SEM1: variants seen among roughly 807,000 people sequenced by gnomAD.
SEM1 encodes the protein 26S proteasome complex subunit SEM1.
Under a neutral mutation model 12.7 loss-of-function variants are expected in SEM1, and 3 were observed. The observed-to-expected ratio is 0.24, with a 90% CI of 0.11 to 0.61. The LOEUF (loss-of-function observed/expected upper bound fraction) is 0.61. Ranked by LOEUF, SEM1 falls within the 20% of genes least tolerant of loss-of-function variation. The pLI, the probability that SEM1 is intolerant of heterozygous loss-of-function variation, is 0.88. For missense variants in SEM1, 59 were observed against 81.3 expected, an observed-to-expected ratio of 0.73 and a Z score of 1.06; for synonymous variants, 30 against 27.8, an observed-to-expected ratio of 1.08 and a Z score of -0.25.
rs184358961 is a variant in SEM1, at chr7:96,482,655, A to C, written c.*1204T>G. ...AAGCCTTACAGAACTAAATTCTTTA[A>C]ACTTGGGGGCAAATGTTTCCCGGTC... On this transcript the variant is annotated 3_prime_UTR_variant, in exon 4 of 4. Transcript: ENST00000356686. 16 of 152,272 alleles carry C rather than the reference A, an allele frequency of 1.1e-4. No homozygotes were observed. The East Asian group carries it at 2.7e-3, about 26-fold the overall frequency. The allele number at this position is 152,272 out of a possible 1,614,324, so 9.4% of individuals were successfully genotyped here.
intron 2 of SEM1, among the ~76,000 whole-genome samples, chr7:96,648,011 G>C (rs1413171086): frequency 1.3e-5 from 2 of 152,142 alleles, no homozygotes; most frequent in African/African-American, 4.8e-5. Context: ...TTAGCAAATG[G>C]TGCTGAAAGG....
In SEM1 at chr7:96,483,824, A is replaced by G. The variant is rs1200025013; in HGVS notation, c.*35T>C. On this transcript the variant is annotated 3_prime_UTR_variant, in exon 4 of 4. Coordinates refer to the SEM1 transcript ENST00000356686. ...TTACTTCAATAGATGTGGGCACCATATGACCAGACTTCCATCTCTGCTATT... is the reference window on the plus strand; with the variant it reads ...TTACTTCAATAGATGTGGGCACCATGTGACCAGACTTCCATCTCTGCTATT... The G allele has an allele frequency of 2.6e-6, 4 of 1,536,108 alleles. No individual in the cohort carries two copies. In the African/African-American group the frequency reaches 5.5e-5, roughly 21 times the overall value.
chr7:96,526,332 A>G (rs1804463571), intron 2 of SEM1, among the ~76,000 whole-genome samples: 1 of 151,888 alleles, frequency 6.6e-6, no homozygotes, highest in African/African-American at 2.4e-5. Flanking sequence ...TTCTGCAAAC[A>G]ATAGACAAAG....
intron 2 of SEM1, among the ~76,000 whole-genome samples, chr7:96,544,843 C>T (rs74760123): frequency 0.043 from 6,475 of 151,882 alleles, 194 homozygotes; most frequent in Non-Finnish European, 0.066. Context: ...TGAATCATCA[C>T]AGAGGTCTTC....
chr7:96,645,620 A>C, intron 2 of SEM1: 1 of 396,250 alleles, frequency 2.5e-6, no homozygotes, highest in Non-Finnish European at 4.4e-6. Context: ...GAGCACAGGG[A>C]GTGGGCACAC....
chr7:96,518,537 T>A (rs1329638449), intron 2 of SEM1, among the ~76,000 whole-genome samples: 1 of 152,134 alleles, frequency 6.6e-6, no homozygotes, highest in African/African-American at 2.4e-5. Context: ...ACTGTCCATA[T>A]CTCTAATTAC....
intron 2 of SEM1, among the ~76,000 whole-genome samples, chr7:96,560,402 C>CT (rs1206397439): frequency 1.3e-5 from 2 of 151,958 alleles, no homozygotes; most frequent in African/African-American, 2.4e-5. Flanking sequence ...ATGAGTTTTG[C>CT]TTTTTTCATA....
intron 2 of SEM1, among the ~76,000 whole-genome samples, chr7:96,595,468 C>G (rs940138047): frequency 6.6e-6 from 1 of 152,212 alleles, no homozygotes; most frequent in Non-Finnish European, 1.5e-5. Context: ...GCCATGACTG[C>G]GTCACTGCAC....
At chr7:96,539,423 G>A (rs1050629917) in intron 2 of SEM1, among the ~76,000 whole-genome samples, 2 of 151,652 alleles carry the variant, frequency 1.3e-5, no homozygotes, top group African/African-American at 2.4e-5. Flanking sequence ...CCATTCACAT[G>A]TTTAATGAAA....
In SEM1 at chr7:96,543,400, T is replaced by C. The variant is rs541902459; in HGVS notation, c.171-36702A>G. 2.6e-5 allele frequency among the ~76,000 whole-genome samples: 4 copies of C among 152,018 alleles called. No individual in the cohort carries two copies. The South Asian group carries it at 8.3e-4, about 31-fold the overall frequency. On this transcript the variant is annotated intron_variant and NMD_transcript_variant, in intron 2 of 3. Transcript: ENST00000466986. ...AGGGGTTCCTAGAACCAATCCCCCA[T>C]GTATACTGAGAGACAACTATACATT...
chr7:96,669,371 G>A (rs2116572054), downstream of SEM1, among the ~76,000 whole-genome samples: 1 of 152,302 alleles, frequency 6.6e-6, no homozygotes, highest in Admixed American at 6.5e-5. Context: ...TAGATAATAT[G>A]TAAATCAATG....
intron 2 of SEM1, among the ~76,000 whole-genome samples, chr7:96,678,488 T>G (rs772957728): frequency 1.3e-5 from 2 of 152,160 alleles, no homozygotes; most frequent in Non-Finnish European, 2.9e-5. Flanking sequence ...TTGCCAGTAA[T>G]GTAGAACATC....
chr7:96,534,502 T>C (rs1367067859), intron 2 of SEM1, among the ~76,000 whole-genome samples: 1 of 152,056 alleles, frequency 6.6e-6, no homozygotes, highest in Non-Finnish European at 1.5e-5. Context: ...AACAGAATAG[T>C]TGATTTTAAG....
chr7:96,638,629 C>G (rs1022427429), intron 2 of SEM1, among the ~76,000 whole-genome samples: 1 of 151,798 alleles, frequency 6.6e-6, no homozygotes, highest in South Asian at 2.1e-4. Context: ...TACACTGTAT[C>G]TCTTTTTCAC....
intron 1 of SEM1, among the ~76,000 whole-genome samples, chr7:96,493,567 G>A (rs1416610325): frequency 6.6e-6 from 1 of 152,104 alleles, no homozygotes; most frequent in Admixed American, 6.5e-5. Flanking sequence ...TCCAACAGCT[G>A]CTTGATACAG....
intron 2 of SEM1, among the ~76,000 whole-genome samples, chr7:96,542,858 G>A (rs1242330836): frequency 1.3e-5 from 2 of 151,616 alleles, no homozygotes; most frequent in East Asian, 3.9e-4. Context: ...CAATTCATAT[G>A]GACAAAGATC....
chr7:96,510,682 C>A (rs1296030141), intron 2 of SEM1, among the ~76,000 whole-genome samples: 1 of 152,018 alleles, frequency 6.6e-6, no homozygotes, highest in Non-Finnish European at 1.5e-5. Flanking sequence ...CATAGCATGC[C>A]AATATCAGGG....
intron 2 of SEM1, among the ~76,000 whole-genome samples, chr7:96,485,157 T>G (rs1285804988): frequency 6.6e-6 from 1 of 152,222 alleles, no homozygotes; most frequent in Admixed American, 6.5e-5. Flanking sequence ...ACAAGGTCAT[T>G]GCTTATTAAG....
At position 96,652,940 on chromosome 7, in the gene SEM1, C is replaced by A. The variant is rs576378539; in HGVS notation, c.171-30297G>T. 5.3e-5 allele frequency among the ~76,000 whole-genome samples: 8 copies of A among 152,252 alleles called. No homozygotes were observed. In the South Asian group the frequency reaches 1.7e-3, roughly 32 times the overall value. On this transcript the variant is annotated intron_variant, in intron 2 of 2. Transcript: ENST00000417009. ...GTTGGATTTTCTAGTAGCTACAGCA[C>A]CATGGTTTTGGAGATTCCTCAATTC...
Sources: allele counts gnomAD v4.1 joint callset (sites outside exome capture counted in the v4.1 genomes callset), GRCh38; gene constraint gnomAD v4.1.1; transcripts MANE v1.5; gene names NCBI Gene and HGNC (gene_info 2026-07-23, HGNC 2026-07-21).